Variants in TMEM201 observed in about 807,000 individuals in gnomAD.
TMEM201 encodes transmembrane protein 201.
A neutral mutation model predicts 63.4 loss-of-function variants in TMEM201; 26 were observed. The ratio of observed to expected loss-of-function variants is 0.41; its 90% CI spans 0.30 to 0.57. The LOEUF (loss-of-function observed/expected upper bound fraction) is 0.57, where lower values mean the gene tolerates loss of function less well. Among genes scored for constraint, TMEM201 ranks in the 20% least tolerant of loss-of-function variants. The probability of loss-of-function intolerance (pLI) is 0.29; values close to 1 mark genes in which losing one functional copy is unlikely to be tolerated. For synonymous variants in TMEM201, 417 were observed against 421.6 expected, an observed-to-expected ratio of 0.99 and a Z score of 0.14; for missense variants, 794 against 917.7, an observed-to-expected ratio of 0.87 and a Z score of 1.74.
intron 1 of TMEM201, among the ~76,000 whole-genome samples, chr1:9,592,661 G>A (rs1023669229): frequency 8.2e-5 from 3 of 36,448 alleles, no homozygotes; most frequent in African/African-American, 1.4e-4. Context: ...GGGCTCTGGA[G>A]TGGTGTCATC....
chr1:9,596,999 C>T lies in TMEM201; in HGVS notation c.375C>T (p.Asn125=), dbSNP rs773642877. The change falls in exon 3 of 11, where the codon AAC becomes AAT. Residue 125 remains asparagine (N), a synonymous_variant. Coordinates refer to ENST00000340381, the MANE Select transcript of TMEM201 (RefSeq NM_001130924.3). The stretch of plus-strand genomic sequence containing the variant: ...AAGTCCTGCTGTGCAAGAGGTGCAA[C>T]CACCACCAGACCACCAAGATCAAGC... The part of the protein sequence containing the change: ...SSQVLLCKRC[N]HHQTTKIKQL... 6.2e-7 allele frequency: 1 copy of T among 1,612,530 alleles called. No homozygotes were observed. The highest frequency in any genetic ancestry group is 8.5e-7 in the Non-Finnish European group (1 of 1,179,388).
At chr1:9,598,944 C>T (rs971239005) in intron 4 of TMEM201, among the ~76,000 whole-genome samples, 4 of 151,098 alleles carry the variant, frequency 2.6e-5, no homozygotes, top group Non-Finnish European at 3.0e-5. Context: ...CCACTGCACC[C>T]GTCCTTTTTT....
Position 9,610,522 on chromosome 1 carries a change from G to A in TMEM201, c.1482G>A (p.Leu494=), listed in dbSNP as rs745841495. The A allele has an allele frequency of 1.8e-5, 28 of 1,536,686 alleles. No homozygotes were observed. Among genetic ancestry groups the A allele is most frequent in the Non-Finnish European group, 2.4e-5 (27 of 1,137,670 alleles). The part of the protein sequence containing the change: ...EFPVSDYFSL[L]SGSCPSSPLP... ...TCCCTCCAGATTACTTCTCTCTTCT[G>A]TCGGGGAGCTGCCCCTCCTCCCCAC... Residue 494 remains leucine (L), a synonymous_variant, in exon 9 of 11, where the codon CTG becomes CTA. Coordinates refer to ENST00000340381, the MANE Select transcript of TMEM201 (RefSeq NM_001130924.3). The surrounding 1 kb of genome is among the most constrained non-coding windows in gnomAD (Gnocchi z 4.9).
At chr1:9,589,150 G>A (rs1381745244) in intron 1 of TMEM201, 107 bp downstream of exon 1, 1 of 394,484 alleles carries the variant, frequency 2.5e-6, no homozygotes, top group Non-Finnish European at 3.4e-6. Context: ...GGCTGCCCGC[G>A]GGCGCGCGGA....
At chr1:9,612,716 AG>A (rs1213200114) in intron 10 of TMEM201, among the ~76,000 whole-genome samples, 1 of 152,124 alleles carries the variant, frequency 6.6e-6, no homozygotes, top group Non-Finnish European at 1.5e-5. Context: ...CTCATCACCC[AG>A]GCCCCAGCTC....
chr1:9,610,095 T>C lies in TMEM201; in HGVS notation c.1465+184T>C, dbSNP rs767329583. Among the ~76,000 whole-genome samples the C allele has an allele frequency of 8.5e-5, 13 of 152,110 alleles. No homozygotes were observed. The highest frequency in any genetic ancestry group is 1.9e-4 in the Non-Finnish European group (13 of 68,008). ...CTCTTGCGTGAAATGGGAATGACAGTCTCTAGGATCAGATGGTACCATGCT... is the reference window on the plus strand; with the variant it reads ...CTCTTGCGTGAAATGGGAATGACAGCCTCTAGGATCAGATGGTACCATGCT... On this transcript the variant is annotated intron_variant, in intron 8 of 10. Transcript: ENST00000340381. This position sits in a 1 kb window ranked among gnomAD's most constrained non-coding sequence, Gnocchi z 4.9.
At chr1:9,612,738 A>G (rs896705367) in intron 10 of TMEM201, among the ~76,000 whole-genome samples, 3 of 152,196 alleles carry the variant, frequency 2.0e-5, no homozygotes, top group Admixed American at 6.5e-5. Flanking sequence ...ATGACAGCCC[A>G]GCCCATGGCC....
rs141162024 is a variant in TMEM201, at chr1:9,596,979, C to G, written c.355C>G (p.Leu119Val). 1,914 of 1,613,094 alleles carry G rather than the reference C, an allele frequency of 1.2e-3. 2 individuals carry two copies. The highest frequency in any genetic ancestry group is 1.6e-3 in the Non-Finnish European group (1,832 of 1,179,756). The part of the protein sequence containing the change: ...QPQQWVSSQV[L>V]LCKRCNHHQT... ...GCAGCAGTGGGTGAGCAGCCAAGTC[C>G]TGCTGTGCAAGAGGTGCAACCACCA... is the stretch of plus-strand genomic sequence containing the variant. The change falls in exon 3 of 11, where the codon CTG becomes GTG. Residue 119 changes from leucine to valine, a missense_variant. Coordinates refer to ENST00000340381, the MANE Select transcript of TMEM201 (RefSeq NM_001130924.3).
In TMEM201 at chr1:9,601,131, G is replaced by A. The variant is rs141781360; in HGVS notation, c.633G>A (p.Pro211=). The A allele has an allele frequency of 1.8e-3, 2,894 of 1,594,810 alleles. 38 individuals are homozygous for A. The African/African-American group carries it at 0.033, about 18-fold the overall frequency. The change falls in exon 5 of 11, where the codon CCG becomes CCA. Residue 211 remains proline, a synonymous_variant. Coordinates refer to ENST00000340381, the MANE Select transcript of TMEM201 (RefSeq NM_001130924.3). ...AQNFSSAVKS[P]VQVILLRALA... is the part of the protein sequence containing the mutation. ...ACTTCTCCTCCGCCGTGAAGTCCCC[G>A]GTCCAGGTCATCCTGCTCCGTGCCC...
chr1:9,606,365 AGTCCAGGTG>A (rs1278840335), intron 6 of TMEM201: 1 of 152,244 alleles, frequency 6.6e-6, no homozygotes, highest in Non-Finnish European at 1.5e-5. Flanking sequence ...TTGGTTCTGA[AGTCCAGGTG>A]GTCTCCTGGC....
In TMEM201 at chr1:9,596,923, G is replaced by A; in HGVS notation, c.299G>A (p.Ser100Asn). 1.2e-6 allele frequency: 2 copies of A among 1,612,294 alleles called. No homozygotes were observed. The highest frequency in any genetic ancestry group is 1.7e-5 in the Admixed American group (1 of 59,992). The change falls in exon 3 of 11, where the codon AGC (serine) becomes AAC (asparagine). Residue 100 changes from serine to asparagine, a missense_variant. Transcript: ENST00000340381. ...GAGCACCTGAACCACGTGGTGAGCA[G>A]CGCGCCCAGCCTGCGCGACCCTTCG... Reference protein sequence around the residue: ...YLEHLNHVVSSAPSLRDPSQP... With the variant: ...YLEHLNHVVSNAPSLRDPSQP...
chr1:9,604,851 G>T lies in TMEM201; in HGVS notation c.1160+2579G>T. ...TCATGTCGTAGAATTGTGGATAATT[G>T]TCTAGTGACCCTCTCATCACTGTAA... On this transcript the variant is annotated intron_variant, in intron 6 of 10. Transcript: ENST00000340381. This position sits in a 1 kb window ranked among gnomAD's most constrained non-coding sequence, Gnocchi z 4.1. The T allele has an allele frequency of 1.0e-6, 1 of 985,976 alleles. No individual in the cohort carries two copies. The highest frequency in any genetic ancestry group is 1.2e-6 in the Non-Finnish European group (1 of 830,002). The allele number at this position is 985,976 out of a possible 1,614,324, so 61.1% of individuals were successfully genotyped here.
intron 1 of TMEM201, among the ~76,000 whole-genome samples, chr1:9,592,465 C>G (rs1643937039): frequency 6.6e-6 from 1 of 152,180 alleles, no homozygotes; most frequent in Admixed American, 6.5e-5. Context: ...CCTGCTACAA[C>G]CACTGAGCTC....
At chr1:9,601,744 TGTGGGGGCTCAC>T (rs201528874) in intron 5 of TMEM201, among the ~76,000 whole-genome samples, 1,748 of 152,276 alleles carry the variant, frequency 0.011, 31 homozygotes, top group African/African-American at 0.039. Flanking sequence ...CCTCCTGGGT[TGTGGGGGCTCAC>T]GTGGGGGCCT....
In TMEM201 at chr1:9,602,800, C is replaced by T. The variant is rs947963578; in HGVS notation, c.1160+528C>T. The T allele has an allele frequency of 4.0e-6, 4 of 989,764 alleles. No individual in the cohort carries two copies. The African/African-American group carries it at 7.0e-5, about 17-fold the overall frequency. The allele number at this position is 989,764 out of a possible 1,614,324, so 61.3% of individuals were successfully genotyped here. Reference sequence around the variant, plus strand: ...GCAGCAGAGAGCCCCAGCCTCACCCCTGAGGAGCACCTGTGGTCTGTCCCC... The same window carrying T: ...GCAGCAGAGAGCCCCAGCCTCACCCTTGAGGAGCACCTGTGGTCTGTCCCC... On this transcript the variant is annotated intron_variant, in intron 6 of 10. Coordinates refer to ENST00000340381, the MANE Select transcript of TMEM201 (RefSeq NM_001130924.3).
intron 1 of TMEM201, among the ~76,000 whole-genome samples, chr1:9,591,971 T>C (rs558989234): frequency 6.6e-6 from 1 of 152,364 alleles, no homozygotes; most frequent in South Asian, 2.1e-4. Context: ...GTCGTCGTTC[T>C]TGTCTTGCTC....
In TMEM201 at chr1:9,602,928, C is replaced by T. The variant is rs890136648; in HGVS notation, c.1160+656C>T. 9 of 985,516 alleles carry T rather than the reference C, an allele frequency of 9.1e-6. No individual in the cohort carries two copies. In the African/African-American group the frequency reaches 1.2e-4, roughly 13 times the overall value. The allele number at this position is 985,516 out of a possible 1,614,324, so 61.0% of individuals were successfully genotyped here. ...CTGCTTGGCCTCCTGCTCCAAGACC[C>T]TCCCGAGTCCCCGGAAATGGAGAGT... On this transcript the variant is annotated intron_variant, in intron 6 of 10. Transcript: ENST00000340381.
chr1:9,610,823 C>T lies in TMEM201; in HGVS notation c.1765+18C>T, dbSNP rs914264204. On this transcript the variant is annotated intron_variant, in intron 9 of 10. Transcript: ENST00000340381. This position sits in a 1 kb window ranked among gnomAD's most constrained non-coding sequence, Gnocchi z 4.9. ...CGCCCTGGGTACGGCCTTCTGACCACCCCAAGGGGCCGTGGGAGGGCCTCT... is the reference window on the plus strand; with the variant it reads ...CGCCCTGGGTACGGCCTTCTGACCATCCCAAGGGGCCGTGGGAGGGCCTCT... The T allele has an allele frequency of 3.3e-5, 50 of 1,519,576 alleles. No individual in the cohort carries two copies. In the African/African-American group the frequency reaches 6.1e-4, roughly 18 times the overall value. The allele number at this position is 1,519,576 out of a possible 1,614,324, so 94.1% of individuals were successfully genotyped here.
rs1224221781 is a variant in TMEM201 at position 9,601,342 on chromosome 1, A to G, written c.844A>G (p.Met282Val). ...RQLLGLLPEH[M>V]AEKLCEAWAF... Reference sequence around the variant, plus strand: ...GTTGCTGGGCCTACTCCCCGAGCACATGGCGGAGAAGCTGTGTGAGGCCTG... The same window carrying G: ...GTTGCTGGGCCTACTCCCCGAGCACGTGGCGGAGAAGCTGTGTGAGGCCTG... Residue 282 changes from methionine to valine, a missense_variant, in exon 5 of 11, where the codon ATG (methionine) becomes GTG (valine). Met to Val is a conservative substitution (Grantham distance 21). Transcript: ENST00000340381. 2 of 1,608,128 alleles carry G rather than the reference A, an allele frequency of 1.2e-6. No individual in the cohort carries two copies. Among genetic ancestry groups the G allele is most frequent in the Non-Finnish European group, 1.7e-6 (2 of 1,179,846 alleles).
Sources: allele counts gnomAD v4.1 joint callset (sites outside exome capture counted in the v4.1 genomes callset), GRCh38; gene constraint gnomAD v4.1.1; non-coding constraint Gnocchi (gnomAD v3.1); transcripts MANE v1.5; gene names NCBI Gene and HGNC (gene_info 2026-07-23, HGNC 2026-07-21).